NPIPB11: variants seen among roughly 807,000 people sequenced by gnomAD.
NPIPB11 encodes nuclear pore complex interacting protein family member B11.
In NPIPB11, 17 loss-of-function variants were observed where a neutral mutation model predicts 32.8. The observed-to-expected ratio is 0.52, with a 90% CI of 0.35 to 0.78. The LOEUF is 0.78. NPIPB11 is among the 30% of genes least tolerant of loss of function. The probability of loss-of-function intolerance (pLI) is 0.01; values close to 1 mark genes in which losing one functional copy is unlikely to be tolerated. For synonymous variants in NPIPB11, 209 were observed against 398.4 expected (o/e 0.52, Z 5.66); for missense variants, 537 against 1,000.4 (o/e 0.54, Z 6.25).
At chr16:29,393,569 G>A (rs1274889131) in intron 3 of NPIPB11, among the ~76,000 whole-genome samples, 2 of 151,042 alleles carry the variant, frequency 1.3e-5, no homozygotes, top group African/African-American at 2.4e-5. Context: ...GCTCATTTCT[G>A]CAGTGAATCT....
In NPIPB11 at chr16:29,401,021, T is replaced by C. The variant is rs567803513; in HGVS notation, c.120+2662A>G. On this transcript the variant is annotated intron_variant, in intron 2 of 7. Coordinates refer to ENST00000524087, the Ensembl canonical transcript of NPIPB11. ...CTCTAAGACCTCTGTGTCCTGGTCA[T>C]TGAATGGGCACTTGAGTCACCCAGG... 9.3e-4 allele frequency among the ~76,000 whole-genome samples: 141 copies of C among 152,190 alleles called. 1 individual carries two copies. Among genetic ancestry groups the C allele is most frequent in the African/African-American group, 3.4e-3 (139 of 41,490 alleles).
intron 5 of NPIPB11, among the ~76,000 whole-genome samples, chr16:29,387,747 AG>A (rs1963615482): frequency 1.7e-5 from 1 of 58,922 alleles, no homozygotes; most frequent in African/African-American, 5.2e-5. Flanking sequence ...CGGCCTAAAA[AG>A]GGTAAGTTTG....
At chr16:29,397,274 T>G (rs1246905981) in intron 2 of NPIPB11, among the ~76,000 whole-genome samples, 1 of 151,012 alleles carries the variant, frequency 6.6e-6, no homozygotes, top group African/African-American at 2.4e-5. Context: ...CGGGGCCATC[T>G]CGGCTCACTG....
In NPIPB11 at chr16:29,389,575, G is replaced by A. The variant is rs1450434012; in HGVS notation, c.545+366C>T. ...TGTAATCCCAGCTACTTGGGAGGCTGAGGCAGGAGAATTGCTTGAACCCAA... is the reference window on the plus strand; with the variant it reads ...TGTAATCCCAGCTACTTGGGAGGCTAAGGCAGGAGAATTGCTTGAACCCAA... On this transcript the variant is annotated intron_variant, in intron 5 of 7. Coordinates refer to ENST00000524087, the Ensembl canonical transcript of NPIPB11. Among the ~76,000 whole-genome samples, 7 of 145,942 alleles carry A rather than the reference G, an allele frequency of 4.8e-5. No individual in the cohort carries two copies. The Admixed American group carries it at 4.9e-4, about 10-fold the overall frequency.
At chr16:29,401,016 G>A (rs1330377812) in intron 2 of NPIPB11, among the ~76,000 whole-genome samples, 2 of 152,016 alleles carry the variant, frequency 1.3e-5, no homozygotes, top group Admixed American at 6.5e-5. Context: ...TCTGTGTCCT[G>A]GTCATTGAAT....
intron 2 of NPIPB11, among the ~76,000 whole-genome samples, chr16:29,396,968 T>C (rs1179891334): frequency 6.6e-6 from 1 of 151,716 alleles, no homozygotes; most frequent in African/African-American, 2.4e-5. Context: ...GCGAACATGG[T>C]GAAACCCCGT....
At chr16:29,397,020 C>A (rs1354039737) in intron 2 of NPIPB11, among the ~76,000 whole-genome samples, 2 of 151,438 alleles carry the variant, frequency 1.3e-5, no homozygotes, top group Non-Finnish European at 2.9e-5. Flanking sequence ...TGGTGGTCTA[C>A]TAAAAATACA....
chr16:29,382,295 G>A (rs758185104), exon 8 of NPIPB11: 9 of 1,596,756 alleles, frequency 5.6e-6, no homozygotes, highest in Admixed American at 5.1e-5. Context: ...CCCCGCAGAC[G>A]CTCGGCAGGT....
intron 2 of NPIPB11, among the ~76,000 whole-genome samples, chr16:29,400,070 A>T (rs746305384): frequency 5.9e-5 from 9 of 151,818 alleles, no homozygotes; most frequent in Non-Finnish European, 1.3e-4. Flanking sequence ...GAATGGAATG[A>T]GACTCTGTCT....
chr16:29,406,205 A>G (rs2142144233), upstream of NPIPB11, among the ~76,000 whole-genome samples: 1 of 152,346 alleles, frequency 6.6e-6, no homozygotes, highest in South Asian at 2.1e-4. Context: ...AAGTGATTCG[A>G]TTTATTTGGT....
chr16:29,392,271 C>T (rs1963741407), intron 3 of NPIPB11, among the ~76,000 whole-genome samples: 1 of 152,094 alleles, frequency 6.6e-6, no homozygotes, highest in African/African-American at 2.4e-5. Context: ...TGCATGAATG[C>T]TTCATGGCAC....
Position 29,390,014 on chromosome 16 carries a change from G to A in NPIPB11, c.472C>T (p.Arg158Cys), listed in dbSNP as rs565905019. The A allele has an allele frequency of 1.5e-4, 238 of 1,592,880 alleles. 3 individuals carry two copies. The highest frequency in any genetic ancestry group is 4.5e-4 in the Middle Eastern group (2 of 4,418). ...ATTTTCGTTGTCACCTTCCTCTTAC[G>A]GATTTTAGCTCTAACTTTTGTTTCC... The change falls in exon 5 of 8, where the codon CGT (arginine) becomes TGT (cysteine). Residue 158 changes from arginine to cysteine, a missense_variant. Transcript: ENST00000524087.
intron 2 of NPIPB11, among the ~76,000 whole-genome samples, chr16:29,402,724 CTGTGTGTGTGTGTGTGTG>C (rs71214272): frequency 1.3e-4 from 16 of 119,634 alleles, no homozygotes; most frequent in African/African-American, 4.2e-4. Context: ...CTCTCTCTCT[CTGTGTGTGTGTGTGTGTG>C]TGTGTGTGTG....
At position 29,402,450 on chromosome 16, in the gene NPIPB11, G is replaced by A. The variant is rs1201698199; in HGVS notation, c.120+1233C>T. Among the ~76,000 whole-genome samples the A allele has an allele frequency of 1.9e-4, 21 of 109,718 alleles. No homozygotes were observed. In the South Asian group the frequency reaches 7.2e-3, roughly 37 times the overall value. The allele number at this position is 109,718 out of a possible 152,430, so 72.0% of individuals were successfully genotyped here. A position where few individuals can be genotyped will look rare whatever the true frequency, so the allele number is the denominator to read the frequency against. On this transcript the variant is annotated intron_variant, in intron 2 of 7. Coordinates refer to ENST00000524087, the Ensembl canonical transcript of NPIPB11. ...CCGGGTGCAGTGGCTCACACCTATA[G>A]TCCCAGCACTTTGGGAGGCCACGGT...
At position 29,402,132 on chromosome 16, in the gene NPIPB11, C is replaced by G. The variant is rs1964006526; in HGVS notation, c.120+1551G>C. Among the ~76,000 whole-genome samples the G allele has an allele frequency of 3.4e-5, 5 of 148,358 alleles. No homozygotes were observed. In the Admixed American group the frequency reaches 3.4e-4, roughly 10 times the overall value. Reference sequence around the variant, plus strand: ...GTTTCAACTCTGTAAAATGAGGTGGCTATACCATCTCAGGTTGCAGAGAGA... The same window carrying G: ...GTTTCAACTCTGTAAAATGAGGTGGGTATACCATCTCAGGTTGCAGAGAGA... On this transcript the variant is annotated intron_variant, in intron 2 of 7. Coordinates refer to ENST00000524087, the Ensembl canonical transcript of NPIPB11.
intron 2 of NPIPB11, among the ~76,000 whole-genome samples, chr16:29,402,514 C>T (rs536521557): frequency 1.2e-3 from 107 of 88,492 alleles, no homozygotes; most frequent in African/African-American, 6.9e-3. Context: ...CGAGCCTGGC[C>T]AATATGGTGA....
chr16:29,394,600 C>T (rs978036230), intron 2 of NPIPB11, among the ~76,000 whole-genome samples: 2 of 151,070 alleles, frequency 1.3e-5, no homozygotes, highest in Admixed American at 1.3e-4. Context: ...ATGCCCGACT[C>T]ATTTTTGTAT....
chr16:29,394,508 CACT>C (rs1963803311), intron 2 of NPIPB11, among the ~76,000 whole-genome samples: 1 of 150,856 alleles, frequency 6.6e-6, no homozygotes, highest in Admixed American at 6.6e-5. Flanking sequence ...AATCTTGGCT[CACT>C]ACAACCTCCA....
chr16:29,393,801 C>T, intron 3 of NPIPB11, 147 bp downstream of exon 3: 1 of 1,220,060 alleles, frequency 8.2e-7, no homozygotes, highest in Non-Finnish European at 1.1e-6. Flanking sequence ...CAGATATTTT[C>T]ATAATTCTTA....
Sources: gnomAD v4.1 joint callset for allele counts (sites outside exome capture counted in the v4.1 genomes callset) on GRCh38, gnomAD v4.1.1 for gene constraint, MANE v1.5 for transcripts, NCBI Gene and HGNC (gene_info 2026-07-23, HGNC 2026-07-21) for gene names.